Variants in NEGR1 observed in about 807,000 individuals in gnomAD.
NEGR1 encodes IgLON family member 4.
In NEGR1, 10 loss-of-function variants were observed where a neutral mutation model predicts 40.9. The observed-to-expected ratio is 0.24, with a 90% CI of 0.15 to 0.42. The LOEUF (loss-of-function observed/expected upper bound fraction) is 0.42, where lower values mean the gene tolerates loss of function less well. Among genes scored for constraint, NEGR1 ranks in the 10% least tolerant of loss-of-function variants. The pLI is 1.00. For missense variants in NEGR1, 352 were observed against 438.9 expected, an observed-to-expected ratio of 0.80 and a Z score of 1.77; for synonymous variants, 185 against 166.8, an observed-to-expected ratio of 1.11 and a Z score of -0.84.
At chr1:72,143,922 T>TATC (rs1650799508) in intron 1 of NEGR1, among the ~76,000 whole-genome samples, 2 of 83,320 alleles carry the variant, frequency 2.4e-5, no homozygotes, top group Admixed American at 2.2e-4. Flanking sequence ...ATAATATATA[T>TATC]ATATATATAT....
At chr1:72,104,742 G>A (rs11589787) in intron 1 of NEGR1, among the ~76,000 whole-genome samples, 34,455 of 151,868 alleles carry the variant, frequency 0.23, 4,446 homozygotes, top group Non-Finnish European at 0.29. Context: ...TAAATTGTCC[G>A]ATTTAGTTTT....
intron 2 of NEGR1, among the ~76,000 whole-genome samples, chr1:71,898,874 T>C (rs199700337): frequency 1.3e-5 from 1 of 76,610 alleles, no homozygotes; most frequent in Non-Finnish European, 2.8e-5. Flanking sequence ...CAAATATATA[T>C]ATTGCAAATA....
At chr1:72,027,109 G>A (rs1042941144) in intron 1 of NEGR1, among the ~76,000 whole-genome samples, 3 of 152,024 alleles carry the variant, frequency 2.0e-5, no homozygotes, top group African/African-American at 7.2e-5. Context: ...GCATTTTTTA[G>A]TAGAGACAGG....
At chr1:71,581,614 T>C (rs1251708482) in intron 6 of NEGR1, among the ~76,000 whole-genome samples, 2 of 152,050 alleles carry the variant, frequency 1.3e-5, no homozygotes, top group Non-Finnish European at 2.9e-5. Context: ...AGTGAAAGAA[T>C]CTGTGAGAAG....
chr1:72,093,842 C>T (rs1486969379), intron 1 of NEGR1, among the ~76,000 whole-genome samples: 2 of 152,126 alleles, frequency 1.3e-5, no homozygotes, highest in African/African-American at 2.4e-5. Flanking sequence ...AATTAGTATG[C>T]TGTTCAACCA....
intron 4 of NEGR1, among the ~76,000 whole-genome samples, chr1:71,687,790 A>C (rs975118695): frequency 2.0e-5 from 3 of 152,156 alleles, no homozygotes; most frequent in African/African-American, 7.2e-5. Context: ...CAGTTTGTTG[A>C]GAATAATTAG....
intron 6 of NEGR1, among the ~76,000 whole-genome samples, chr1:71,427,828 G>A (rs1310921366): frequency 6.6e-6 from 1 of 152,022 alleles, no homozygotes; most frequent in Non-Finnish European, 1.5e-5. Flanking sequence ...GTGATAGATC[G>A]AGACAATCAC....
At chr1:72,012,560 T>C (rs894983909) in intron 1 of NEGR1, among the ~76,000 whole-genome samples, 11 of 152,144 alleles carry the variant, frequency 7.2e-5, no homozygotes, top group African/African-American at 2.6e-4. Context: ...TCCTGACTAT[T>C]TTGAGCAATG....
At chr1:71,856,689 C>T (rs1284095259) in intron 2 of NEGR1, among the ~76,000 whole-genome samples, 1 of 152,036 alleles carries the variant, frequency 6.6e-6, no homozygotes, top group Non-Finnish European at 1.5e-5. Flanking sequence ...TCCATGTTAA[C>T]ATTTATTGTC....
At position 71,716,652 on chromosome 1, in the gene NEGR1, A is replaced by G. The variant is rs367587711; in HGVS notation, c.536-18513T>C. On this transcript the variant is annotated intron_variant, in intron 3 of 6. Coordinates refer to ENST00000357731, the MANE Select transcript of NEGR1 (RefSeq NM_173808.3). ...TACAGAGCCAGAAAAGCAGTTTAAT[A>G]GTGAAAAGTTGGAGAAACAACACAT... Among the ~76,000 whole-genome samples, 208 of 152,342 alleles carry G rather than the reference A, an allele frequency of 1.4e-3. 1 individual carries two copies. The highest frequency in any genetic ancestry group is 4.7e-3 in the African/African-American group (196 of 41,580).
chr1:72,250,272 C>T (rs191452898), intron 1 of NEGR1, among the ~76,000 whole-genome samples: 103 of 152,212 alleles, frequency 6.8e-4, no homozygotes, highest in Admixed American at 1.4e-3. Flanking sequence ...CAACAGCACC[C>T]CCCAAGCCCC....
intron 6 of NEGR1, among the ~76,000 whole-genome samples, chr1:71,479,443 T>G (rs1017810610): frequency 4.6e-5 from 7 of 151,994 alleles, no homozygotes; most frequent in African/African-American, 1.4e-4. Context: ...CACTATCCAG[T>G]AGAATCAATC....
At chr1:71,745,843 C>T (rs989751873) in intron 3 of NEGR1, among the ~76,000 whole-genome samples, 3 of 152,110 alleles carry the variant, frequency 2.0e-5, no homozygotes, top group African/African-American at 4.8e-5. Context: ...AACCATAAAG[C>T]CTAAAAATAT....
chr1:72,260,540 G>A (rs908029648), intron 1 of NEGR1, among the ~76,000 whole-genome samples: 14 of 152,166 alleles, frequency 9.2e-5, no homozygotes, highest in African/African-American at 1.7e-4. Flanking sequence ...CACTTTGTCC[G>A]AAAGGTGGTA....
intron 2 of NEGR1, among the ~76,000 whole-genome samples, chr1:71,783,654 C>T (rs1192320947): frequency 2.0e-5 from 3 of 152,190 alleles, no homozygotes; most frequent in Non-Finnish European, 4.4e-5. Flanking sequence ...GTAAAGAATC[C>T]GTATAAGAAA....
intron 4 of NEGR1, among the ~76,000 whole-genome samples, chr1:71,647,167 A>G (rs528807822): frequency 3.3e-5 from 5 of 151,784 alleles, no homozygotes; most frequent in Non-Finnish European, 7.4e-5. Context: ...TCATTTTTTC[A>G]TAACCTTTAT....
At chr1:71,481,426 C>G (rs1646853206) in intron 6 of NEGR1, among the ~76,000 whole-genome samples, 1 of 151,910 alleles carries the variant, frequency 6.6e-6, no homozygotes, top group Admixed American at 6.6e-5. Context: ...CTTCTGTTGG[C>G]TTTGTCCACA....
intron 6 of NEGR1, among the ~76,000 whole-genome samples, chr1:71,539,001 G>T (rs1647599299): frequency 6.6e-6 from 1 of 151,678 alleles, no homozygotes; most frequent in Admixed American, 6.6e-5. Flanking sequence ...CCATCACATG[G>T]TTGTTGTTTA....
At chr1:72,174,559 G>A (rs1192355190) in intron 1 of NEGR1, among the ~76,000 whole-genome samples, 1 of 151,966 alleles carries the variant, frequency 6.6e-6, no homozygotes, top group Non-Finnish European at 1.5e-5. Context: ...TGCTACTTTA[G>A]GCATTTTTAA....
Sources: allele counts gnomAD v4.1 joint callset (sites outside exome capture counted in the v4.1 genomes callset), GRCh38; gene constraint gnomAD v4.1.1; transcripts MANE v1.5; gene names NCBI Gene and HGNC (gene_info 2026-07-23, HGNC 2026-07-21).